The following PAOX variants were observed in gnomAD, a reference collection of about 807,000 sequenced individuals.
The protein encoded by PAOX is peroxisomal N(1)-acetyl-spermine/spermidine oxidase.
In PAOX, 38 loss-of-function variants were observed where a neutral mutation model predicts 39.0. That is an observed-to-expected ratio of 0.97 (90% CI 0.75 to 1.28). PAOX has a LOEUF of 1.28. Ranked by LOEUF, PAOX falls within the 50% of genes most tolerant of loss-of-function variation. The pLI is 0.00. For missense variants in PAOX, 667 were observed against 685.7 expected (o/e 0.97, Z 0.30); for synonymous variants, 311 against 314.4 (o/e 0.99, Z 0.11).
rs1441345582 is a variant in PAOX, at chr10:133,384,437, A to C, written c.1121+225A>C. 1.3e-5 allele frequency among the ~76,000 whole-genome samples: 2 copies of C among 152,188 alleles called. No homozygotes were observed. The highest frequency in any genetic ancestry group is 1.5e-5 in the Non-Finnish European group (1 of 68,030). ...GGGTTGTCAGCGTCCCTCAGGGCCC[A>C]GAATGTGTTTGTAGACTTGCAGGCA... On this transcript the variant is annotated intron_variant, in intron 4 of 6. Transcript: ENST00000278060. The surrounding 1 kb of genome is among the most constrained non-coding windows in gnomAD (Gnocchi z 4.3).
rs1402242327 is a variant in PAOX, at chr10:133,380,364, G to A, written c.547G>A (p.Val183Ile). 4.3e-6 allele frequency: 7 copies of A among 1,612,936 alleles called. No homozygotes were observed. The highest frequency in any genetic ancestry group is 1.6e-4 in the Middle Eastern group (1 of 6,062). Reference sequence around the variant, plus strand: ...GGAGACCAGGAAGCTGAAGCTGGCCGTCCTGAACTCCTTCTTCAACCTGGA... The same window carrying A: ...GGAGACCAGGAAGCTGAAGCTGGCCATCCTGAACTCCTTCTTCAACCTGGA... Reference protein sequence around the residue: ...DEETRKLKLAVLNSFFNLECC... With the variant: ...DEETRKLKLAILNSFFNLECC... The change falls in exon 2 of 7, where the codon GTC (valine) becomes ATC (isoleucine). Residue 183 changes from valine (V) to isoleucine (I), a missense_variant. Coordinates refer to ENST00000278060, the MANE Select transcript of PAOX (RefSeq NM_152911.4).
At chr10:133,390,715 C>G (rs1455824574) in intron 6 of PAOX, 9 of 547,520 alleles carry the variant, frequency 1.6e-5, no homozygotes, top group Non-Finnish European at 2.6e-5. Flanking sequence ...AGTGAACCTG[C>G]TTGGAAATGT....
At position 133,380,317 on chromosome 10, in the gene PAOX, T is replaced by TG; in HGVS notation, c.502dup (p.Ala168GlyfsTer7). 1 of 1,612,884 alleles carries TG rather than the reference T, an allele frequency of 6.2e-7. No individual in the cohort carries two copies. Among genetic ancestry groups the TG allele is most frequent in the Non-Finnish European group, 8.5e-7 (1 of 1,180,036 alleles). On this transcript the variant is annotated frameshift_variant, in exon 2 of 7. Coordinates refer to ENST00000278060, the MANE Select transcript of PAOX (RefSeq NM_152911.4). LOFTEE classifies it high-confidence loss of function. ...CTCAAGAAGGAGATTGGCCAGCACGTGGCCGGCTGGACAGAGGATGAGGAG... is the reference window on the plus strand; with the variant it reads ...CTCAAGAAGGAGATTGGCCAGCACGTGGGCCGGCTGGACAGAGGATGAGGAG...
In PAOX at chr10:133,389,089, C is replaced by A. The variant is rs1483018001; in HGVS notation, c.1234+21C>A. On this transcript the variant is annotated intron_variant, in intron 5 of 6. Transcript: ENST00000278060. ...GACAGGTAGGTACTCACCACACACG[C>A]TGGTTCCTGCCTCTGCTCGTTACTG... 5 of 1,556,156 alleles carry A rather than the reference C, an allele frequency of 3.2e-6. No homozygotes were observed. The East Asian group carries it at 9.0e-5, about 28-fold the overall frequency.
chr10:133,386,965 C>A (rs545930642), intron 4 of PAOX, among the ~76,000 whole-genome samples: 1 of 152,322 alleles, frequency 6.6e-6, no homozygotes, highest in South Asian at 2.1e-4. Flanking sequence ...GATCTTTTAT[C>A]TATCCATGGC....
intron 4 of PAOX, among the ~76,000 whole-genome samples, chr10:133,387,527 CTT>C (rs1354819790): frequency 6.6e-6 from 1 of 152,198 alleles, no homozygotes; most frequent in African/African-American, 2.4e-5. Flanking sequence ...GATAGAGACA[CTT>C]TGCTCATTTT....
At position 133,381,598 on chromosome 10, in the gene PAOX, G is replaced by C. The variant is rs753377166; in HGVS notation, c.807G>C (p.Ser269=). 1 of 1,613,600 alleles carries C rather than the reference G, an allele frequency of 6.2e-7. No homozygotes were observed. Among genetic ancestry groups the C allele is most frequent in the South Asian group, 1.1e-5 (1 of 91,070 alleles). The change falls in exon 3 of 7, where the codon TCG becomes TCC. Residue 269 remains serine, a synonymous_variant. Coordinates refer to ENST00000278060, the MANE Select transcript of PAOX (RefSeq NM_152911.4). ...AAFPGETFPV[S]VECEDGDRFP... ...TTCCCGGGGAGACCTTTCCAGTGTC[G>C]GTAGAGTGTGAGGATGGAGACCGGT...
chr10:133,389,438 A>G (rs770281149), intron 5 of PAOX, 152 bp from the exon 6 acceptor site: 27 of 1,173,620 alleles, frequency 2.3e-5, no homozygotes, highest in Admixed American at 1.1e-4. Flanking sequence ...CAGAGGCGGC[A>G]GGAAGAGCCT....
rs1849286926 is a variant in PAOX, at chr10:133,379,437, C to T, written c.121C>T (p.Leu41=). The part of the protein sequence containing the change: ...RLCGHSAFPH[L]RVLEATARAG... Reference sequence around the variant, plus strand: ...CTGCGGCCACTCCGCCTTCCCGCACCTGCGGGTCCTGGAGGCCACGGCCCG... The same window carrying T: ...CTGCGGCCACTCCGCCTTCCCGCACTTGCGGGTCCTGGAGGCCACGGCCCG... Residue 41 remains leucine (L), a synonymous_variant, in exon 1 of 7, where the codon CTG becomes TTG. Transcript: ENST00000278060. 3 of 1,225,018 alleles carry T rather than the reference C, an allele frequency of 2.4e-6. No homozygotes were observed. Among genetic ancestry groups the T allele is most frequent in the Non-Finnish European group, 3.0e-6 (3 of 983,786 alleles). The allele number at this position is 1,225,018 out of a possible 1,614,324, so 75.9% of individuals were successfully genotyped here.
At chr10:133,388,495 T>C (rs372454196) in intron 4 of PAOX, among the ~76,000 whole-genome samples, 141 of 152,328 alleles carry the variant, frequency 9.3e-4, no homozygotes, top group African/African-American at 3.2e-3. Context: ...TTTGTAACCC[T>C]CATGTGCAGT....
intron 6 of PAOX, 27 bp downstream of exon 6, chr10:133,389,774 C>A: frequency 7.0e-7 from 1 of 1,437,220 alleles, no homozygotes; most frequent in Non-Finnish European, 9.1e-7. Context: ...AGTCGGGGGG[C>A]GTGGGTCCCG....
rs1340050635 is a variant in PAOX, at chr10:133,391,672, A to G, written c.*217A>G. The G allele has an allele frequency of 2.9e-6, 2 of 700,778 alleles. No homozygotes were observed. Among genetic ancestry groups the G allele is most frequent in the African/African-American group, 3.6e-5 (2 of 55,332 alleles). 43.4% of individuals were successfully genotyped at this position (700,778 alleles called of 1,614,324 possible). The stretch of plus-strand genomic sequence containing the variant: ...CCAGATGCTCACGGAGATGCTGGAC[A>G]CATAAAGCAAGTTACAGCCACAGCT... On this transcript the variant is annotated 3_prime_UTR_variant, in exon 7 of 7. Transcript: ENST00000278060.
Position 133,391,592 on chromosome 10 carries a change from C to T in PAOX, c.*137C>T, listed in dbSNP as rs910556205. On this transcript the variant is annotated 3_prime_UTR_variant, in exon 7 of 7. Coordinates refer to ENST00000278060, the MANE Select transcript of PAOX (RefSeq NM_152911.4). ...GGTTTTTGGTAACCAGGGCCACCTTCTCAGTTCTTGTGTCTGTTATTGGAG... is the reference window on the plus strand; with the variant it reads ...GGTTTTTGGTAACCAGGGCCACCTTTTCAGTTCTTGTGTCTGTTATTGGAG... The T allele has an allele frequency of 3.1e-6, 4 of 1,306,474 alleles. No individual in the cohort carries two copies. The African/African-American group carries it at 6.0e-5, about 20-fold the overall frequency. 80.9% of individuals were successfully genotyped at this position (1,306,474 alleles called of 1,614,324 possible). A position where few individuals can be genotyped will look rare whatever the true frequency, so the allele number is the denominator to read the frequency against.
At position 133,380,095 on chromosome 10, in the gene PAOX, A is replaced by G. The variant is rs1564809430; in HGVS notation, c.278A>G (p.Lys93Arg). The G allele has an allele frequency of 6.4e-7, 1 of 1,553,776 alleles. No individual in the cohort carries two copies. Among genetic ancestry groups the G allele is most frequent in the Non-Finnish European group, 8.7e-7 (1 of 1,150,662 alleles). Residue 93 changes from lysine (K) to arginine (R), a missense_variant, in exon 2 of 7, where the codon AAG becomes AGG. Lys to Arg is a conservative substitution (Grantham distance 26, BLOSUM62 2). Coordinates refer to ENST00000278060, the MANE Select transcript of PAOX (RefSeq NM_152911.4). ...LAAEYGLLGEKELSQENQLVE... is the reference protein window; with the variant it reads ...LAAEYGLLGERELSQENQLVE... ...GCTGAGTACGGGCTGCTGGGGGAGAAGGAGCTGTCCCAGGAGAACCAGCTG... is the reference window on the plus strand; with the variant it reads ...GCTGAGTACGGGCTGCTGGGGGAGAGGGAGCTGTCCCAGGAGAACCAGCTG...
intron 4 of PAOX, among the ~76,000 whole-genome samples, chr10:133,385,022 G>A (rs368966971): frequency 3.2e-4 from 48 of 152,266 alleles, no homozygotes; most frequent in African/African-American, 6.0e-4. Flanking sequence ...TCGGCCAGGC[G>A]CGGTGGCTCA....
intron 1 of PAOX, chr10:133,379,773 C>A: frequency 1.8e-6 from 1 of 567,114 alleles, no homozygotes. Flanking sequence ...TACGCCCACC[C>A]TGCGCCCCTC....
chr10:133,381,390 C>T (rs747673688), intron 2 of PAOX, 70 bp from the exon 3 acceptor site: 5 of 1,463,880 alleles, frequency 3.4e-6, no homozygotes, highest in Non-Finnish European at 3.8e-6. Flanking sequence ...GAACTCAGAG[C>T]ACGTATTTCC....
intron 3 of PAOX, 122 bp downstream of exon 3, chr10:133,381,781 T>C (rs1179804368): frequency 1.1e-6 from 1 of 918,052 alleles, no homozygotes; most frequent in East Asian, 2.6e-5. Context: ...TCTAGTAAGT[T>C]CCAGATAGGT....
intron 2 of PAOX, 39 bp downstream of exon 2, chr10:133,380,524 A>G (rs1253603923): frequency 1.3e-6 from 2 of 1,552,262 alleles, no homozygotes; most frequent in East Asian, 4.6e-5. Flanking sequence ...TCCTCCCACC[A>G]GGCTCCCCAG....
Sources: allele counts gnomAD v4.1 joint callset (sites outside exome capture counted in the v4.1 genomes callset), GRCh38; gene constraint gnomAD v4.1.1; non-coding constraint Gnocchi (gnomAD v3.1); transcripts MANE v1.5; gene names NCBI Gene and HGNC (gene_info 2026-07-23, HGNC 2026-07-21).